Variants in ABLIM1 observed in about 807,000 individuals in gnomAD.
The protein encoded by ABLIM1 is actin binding LIM protein 1, also known as actin-binding LIM protein 1.
Under a neutral mutation model 107.0 loss-of-function variants are expected in ABLIM1, and 40 were observed. The ratio of observed to expected loss-of-function variants is 0.37; its 90% CI spans 0.29 to 0.49. The LOEUF (loss-of-function observed/expected upper bound fraction) is 0.49, where lower values mean the gene tolerates loss of function less well. ABLIM1 is among the 20% of genes least tolerant of loss of function. The pLI, the probability that ABLIM1 is intolerant of heterozygous loss-of-function variation, is 0.97. For missense variants in ABLIM1, 857 were observed against 1,008.5 expected (o/e 0.85, Z 2.04); for synonymous variants, 357 against 357.3 (o/e 1.00, Z 0.01).
chr10:114,484,325 C>T (rs1023090186), intron 8 of ABLIM1, among the ~76,000 whole-genome samples: 1 of 152,042 alleles, frequency 6.6e-6, no homozygotes, highest in Non-Finnish European at 1.5e-5. Flanking sequence ...TACGTAAATC[C>T]CCCAGTCTCC....
At chr10:114,690,435 C>A (rs537857437) in intron 1 of ABLIM1, 5 of 1,603,546 alleles carry the variant, frequency 3.1e-6, no homozygotes, top group Non-Finnish European at 4.3e-6. Context: ...GCCATTATGG[C>A]GTGTGAAGTC....
intron 1 of ABLIM1, among the ~76,000 whole-genome samples, chr10:114,627,595 C>A (rs990403652): frequency 2.6e-5 from 4 of 152,028 alleles, no homozygotes; most frequent in Non-Finnish European, 5.9e-5. Flanking sequence ...TTACAGAATC[C>A]TAAAGGAAAA....
chr10:114,732,092 T>A (rs1186081303), intron 1 of ABLIM1, among the ~76,000 whole-genome samples: 1 of 113,362 alleles, frequency 8.8e-6, no homozygotes, highest in Admixed American at 8.9e-5. Context: ...ACACTTGTAT[T>A]CTCTGTCTTT....
At chr10:114,759,862 C>G (rs1485370287) in intron 1 of ABLIM1, among the ~76,000 whole-genome samples, 1 of 152,184 alleles carries the variant, frequency 6.6e-6, no homozygotes, top group Admixed American at 6.6e-5. Flanking sequence ...GTCCCAGTAT[C>G]TCAGCAGGTT....
intron 1 of ABLIM1, among the ~76,000 whole-genome samples, chr10:114,731,816 G>A (rs1426824323): frequency 1.3e-5 from 2 of 151,646 alleles, no homozygotes; most frequent in East Asian, 3.9e-4. Flanking sequence ...CACCATGTTG[G>A]CCAGGCTGGT....
chr10:114,625,178 C>T (rs1449710313), intron 1 of ABLIM1, among the ~76,000 whole-genome samples: 1 of 152,126 alleles, frequency 6.6e-6, no homozygotes, highest in Admixed American at 6.5e-5. Flanking sequence ...AGGGGTGAGG[C>T]ATTAAACTTC....
At chr10:114,679,058 AAAG>A (rs1352902569) in intron 1 of ABLIM1, among the ~76,000 whole-genome samples, 1 of 152,204 alleles carries the variant, frequency 6.6e-6, no homozygotes, top group Admixed American at 6.5e-5. Context: ...CTTATAGAAT[AAAG>A]AAGTGACAGT....
At position 114,527,005 on chromosome 10, in the gene ABLIM1, ACTTT is replaced by A. The variant is rs916124420; in HGVS notation, c.894+17996_894+17999del. On this transcript the variant is annotated intron_variant, in intron 6 of 22. Coordinates refer to ENST00000533213, the MANE Select transcript of ABLIM1 (RefSeq NM_002313.7). ...CCAAAAAAGGAGGGGGAGTAGATTT[ACTTT>A]CTTTCTTTTTTTAAATGCAGGTAGG... 10 of 981,298 alleles carry A rather than the reference ACTTT, an allele frequency of 1.0e-5. No individual in the cohort carries two copies. The East Asian group carries it at 9.1e-4, about 90-fold the overall frequency. 60.8% of individuals were successfully genotyped at this position (981,298 alleles called of 1,614,324 possible). A position where few individuals can be genotyped will look rare whatever the true frequency, so the allele number is the denominator to read the frequency against.
Position 114,714,350 on chromosome 10 carries a change from A to G in ABLIM1, c.-213+53711T>C, listed in dbSNP as rs1010340681. Among the ~76,000 whole-genome samples the G allele has an allele frequency of 1.1e-4, 16 of 152,344 alleles. No homozygotes were observed. The South Asian group carries it at 1.7e-3, about 16-fold the overall frequency. On this transcript the variant is annotated intron_variant, in intron 1 of 15. Coordinates refer to the ABLIM1 transcript ENST00000651092. ...GAGAGCAGAGCACAGGTCTATGGACATGGAGTGTAGAGCTTTTTCAGCCAT... is the reference window on the plus strand; with the variant it reads ...GAGAGCAGAGCACAGGTCTATGGACGTGGAGTGTAGAGCTTTTTCAGCCAT...
intron 1 of ABLIM1, among the ~76,000 whole-genome samples, chr10:114,615,843 G>A (rs1490622594): frequency 1.3e-5 from 2 of 151,322 alleles, no homozygotes; most frequent in African/African-American, 2.4e-5. Flanking sequence ...CTGAAGGAAG[G>A]AGCTGATGGA....
chr10:114,701,605 T>C (rs2081309104), intron 1 of ABLIM1, among the ~76,000 whole-genome samples: 1 of 152,098 alleles, frequency 6.6e-6, no homozygotes, highest in African/African-American at 2.4e-5. Flanking sequence ...ACTACTCCCA[T>C]ACACAACAAA....
chr10:114,491,901 C>T (rs771861452), intron 6 of ABLIM1, 23 bp from the exon 7 acceptor site: 3 of 1,572,604 alleles, frequency 1.9e-6, no homozygotes, highest in Admixed American at 1.7e-5. Context: ...AGGTAGGGAA[C>T]GTTGAGTCTG....
Position 114,542,724 on chromosome 10 carries a change from C to T in ABLIM1, c.894+2281G>A, listed in dbSNP as rs571655299. ...AACTCAGGAATCCCAAGGGAAATGG[C>T]GTCAGGCCCCAATCAGGGCACTTCT... On this transcript the variant is annotated intron_variant, in intron 6 of 22. Transcript: ENST00000533213. 5.9e-5 allele frequency among the ~76,000 whole-genome samples: 9 copies of T among 152,294 alleles called. No homozygotes were observed. The South Asian group carries it at 6.2e-4, about 11-fold the overall frequency.
At chr10:114,547,481 AAGAATACAATTCTTTTC>A (rs2067504249) in intron 5 of ABLIM1, 152 bp downstream of exon 5, 1 of 868,512 alleles carries the variant, frequency 1.2e-6, no homozygotes, top group African/African-American at 1.7e-5. Flanking sequence ...GCCAAGGCAA[AAGAATACAATTCTTTTC>A]AAAAGTTTTA....
chr10:114,444,609 C>T (rs935765704), intron 16 of ABLIM1, among the ~76,000 whole-genome samples: 1 of 151,526 alleles, frequency 6.6e-6, no homozygotes, highest in Non-Finnish European at 1.5e-5. Context: ...AGAAATAACA[C>T]TATCTTTTGA....
chr10:114,772,293 C>T (rs975953947), upstream of ABLIM1, among the ~76,000 whole-genome samples: 27 of 152,086 alleles, frequency 1.8e-4, no homozygotes, highest in Admixed American at 1.6e-3. Flanking sequence ...AACTAAAATT[C>T]TTTTTAAATA....
intron 14 of ABLIM1, chr10:114,450,086 C>A: frequency 5.1e-6 from 2 of 394,742 alleles, no homozygotes; most frequent in South Asian, 2.0e-5. Context: ...AAATCAAATG[C>A]TGAGAATTTT....
chr10:114,589,369 A>C (rs1286024817), intron 2 of ABLIM1, among the ~76,000 whole-genome samples: 4 of 151,774 alleles, frequency 2.6e-5, no homozygotes, highest in Admixed American at 2.0e-4. Flanking sequence ...TCTCTCCTAA[A>C]AATACAAAAA....
intron 1 of ABLIM1, among the ~76,000 whole-genome samples, chr10:114,713,030 C>G (rs1188781394): frequency 6.6e-6 from 1 of 152,126 alleles, no homozygotes; most frequent in Non-Finnish European, 1.5e-5. Context: ...GCCTGACAGA[C>G]AGAGCAAGAC....
Sources: allele counts gnomAD v4.1 joint callset (sites outside exome capture counted in the v4.1 genomes callset), GRCh38; gene constraint gnomAD v4.1.1; transcripts MANE v1.5; gene names NCBI Gene and HGNC (gene_info 2026-07-23, HGNC 2026-07-21).